Variants in SYTL5 observed in about 807,000 individuals in gnomAD.
The protein encoded by SYTL5 is synaptotagmin like 5.
Under a neutral mutation model 55.9 loss-of-function variants are expected in SYTL5, and 34 were observed. The observed-to-expected ratio is 0.61, with a 90% confidence interval of 0.46 to 0.81. The LOEUF (loss-of-function observed/expected upper bound fraction) is 0.81, where lower values mean the gene tolerates loss of function less well. Among genes scored for constraint, SYTL5 ranks in the 30% least tolerant of loss-of-function variants. The pLI is 0.00. For missense variants in SYTL5, 637 were observed against 546.7 expected, an observed-to-expected ratio of 1.17 and a Z score of -1.65; for synonymous variants, 221 against 188.7, an observed-to-expected ratio of 1.17 and a Z score of -1.40.
chrX:37,922,833 C>T, the SYTL5 span, among the ~76,000 whole-genome samples: 1 of 111,124 alleles, frequency 9.0e-6, no homozygotes, highest in Non-Finnish European at 1.9e-5. Flanking sequence ...TTCTCTTGTC[C>T]CCTCACTTAG....
At chrX:37,953,072 G>A in the SYTL5 span, among the ~76,000 whole-genome samples, 2 of 111,535 alleles carry the variant, frequency 1.8e-5, no homozygotes, top group South Asian at 3.8e-4. Flanking sequence ...TCACTCTGGA[G>A]CGAGTTGCCT....
chrX:37,960,799 TTTA>T, the SYTL5 span, among the ~76,000 whole-genome samples: 1 of 91,418 alleles, frequency 1.1e-5, no homozygotes, highest in African/African-American at 4.1e-5. Flanking sequence ...TATTTATTTA[TTTA>T]TTTATTTATT....
At chrX:37,996,515 C>T in the SYTL5 span, among the ~76,000 whole-genome samples, 1 of 112,481 alleles carries the variant, frequency 8.9e-6, no homozygotes, top group African/African-American at 3.2e-5. Context: ...GTGACTGTGG[C>T]TGCCAACCAG....
the SYTL5 span, among the ~76,000 whole-genome samples, chrX:37,913,696 C>T: frequency 2.9e-3 from 323 of 112,277 alleles, 1 homozygote; most frequent in African/African-American, 9.6e-3. Flanking sequence ...AATAGTCCCT[C>T]CTCCATCCTT....
chrX:38,083,767 T>A (rs1936595563), intron 6 of SYTL5, among the ~76,000 whole-genome samples: 1 of 75,601 alleles, frequency 1.3e-5, no homozygotes, highest in Non-Finnish European at 2.5e-5. Flanking sequence ...AGTTTTTAAA[T>A]AGACTCATGT....
the SYTL5 span, among the ~76,000 whole-genome samples, chrX:37,893,724 A>ATC: frequency 1.1e-5 from 1 of 92,020 alleles, no homozygotes; most frequent in Non-Finnish European, 2.1e-5. Flanking sequence ...ACTATAGATT[A>ATC]TATATAATCT....
the SYTL5 span, among the ~76,000 whole-genome samples, chrX:37,907,471 C>T: frequency 8.9e-6 from 1 of 112,132 alleles, no homozygotes; most frequent in African/African-American, 3.2e-5. Flanking sequence ...CTTCCAATGT[C>T]GTCCCCGGGG....
the SYTL5 span, among the ~76,000 whole-genome samples, chrX:37,982,964 A>G: frequency 9.0e-6 from 1 of 111,485 alleles, no homozygotes; most frequent in Non-Finnish European, 1.9e-5. Context: ...ATGTCTCTGT[A>G]TCTCAATGGA....
intron 16 of SYTL5, 49 bp downstream of exon 16, chrX:38,125,555 G>C (rs770797273): frequency 9.7e-7 from 1 of 1,032,049 alleles, no homozygotes; most frequent in Non-Finnish European, 1.4e-6. Flanking sequence ...AGGCCCAGGT[G>C]GGGGCGCTAT....
chrX:38,127,023 G>T lies in SYTL5; in HGVS notation c.*293G>T. 1 of 220,190 alleles carries T rather than the reference G, an allele frequency of 4.5e-6. No homozygotes were observed. The highest frequency in any genetic ancestry group is 2.4e-4 in the South Asian group (1 of 4,106). 18.1% of individuals were successfully genotyped at this position (220,190 alleles called of 1,213,427 possible). A position where few individuals can be genotyped will look rare whatever the true frequency, so the allele number is the denominator to read the frequency against. On this transcript the variant is annotated 3_prime_UTR_variant, in exon 17 of 17. Transcript: ENST00000297875. The stretch of plus-strand genomic sequence containing the variant: ...ATAGGGTTTATGCCATAAAAGAAAT[G>T]GCACAAGCCTCCATTTGCTAATTAT...
the SYTL5 span, among the ~76,000 whole-genome samples, chrX:37,930,345 A>G: frequency 8.0e-5 from 9 of 112,146 alleles, no homozygotes; most frequent in Non-Finnish European, 1.7e-4. Context: ...TGACCATACG[A>G]ATATGTTTTT....
At chrX:38,065,474 G>A (rs1488326142) in intron 3 of SYTL5, among the ~76,000 whole-genome samples, 1 of 111,906 alleles carries the variant, frequency 8.9e-6, no homozygotes, top group Non-Finnish European at 1.9e-5. Flanking sequence ...ATTCTAGATT[G>A]ATAGTATTTT....
chrX:38,008,009 A>T lies in SYTL5; in HGVS notation c.-357+1341A>T, dbSNP rs1003374841. Among the ~76,000 whole-genome samples the T allele has an allele frequency of 5.4e-5, 6 of 110,907 alleles. No homozygotes were observed. In the Admixed American group the frequency reaches 5.7e-4, roughly 11 times the overall value. On this transcript the variant is annotated intron_variant, in intron 1 of 16. Coordinates refer to ENST00000297875, the MANE Select transcript of SYTL5 (RefSeq NM_138780.3). ...TAGTGAATAAAATTATTGAGCTTCTACCTCTTTTCTTTTGGAGGCCCATTT... is the reference window on the plus strand; with the variant it reads ...TAGTGAATAAAATTATTGAGCTTCTTCCTCTTTTCTTTTGGAGGCCCATTT...
intron 5 of SYTL5, among the ~76,000 whole-genome samples, chrX:38,075,661 A>G (rs756789238): frequency 1.8e-4 from 20 of 111,667 alleles, no homozygotes; most frequent in Non-Finnish European, 3.8e-4. Flanking sequence ...AAAAAATGTA[A>G]TTTTCCAGTA....
At chrX:38,069,947 G>A (rs192958167) in intron 3 of SYTL5, among the ~76,000 whole-genome samples, 1 of 111,864 alleles carries the variant, frequency 8.9e-6, no homozygotes, top group Non-Finnish European at 1.9e-5. Context: ...AGATTTGACC[G>A]TATTCCATAA....
chrX:37,908,044 G>C, the SYTL5 span, among the ~76,000 whole-genome samples: 1 of 108,520 alleles, frequency 9.2e-6, no homozygotes, highest in Non-Finnish European at 1.9e-5. Flanking sequence ...TTGAGCCCAG[G>C]ATTTTAAAGC....
At chrX:38,107,288 T>C (rs1235119070) in intron 11 of SYTL5, among the ~76,000 whole-genome samples, 1 of 111,489 alleles carries the variant, frequency 9.0e-6, no homozygotes, top group Non-Finnish European at 1.9e-5. Flanking sequence ...TAGGAGGACT[T>C]AGGACTCTGC....
chrX:37,948,062 G>A, the SYTL5 span, among the ~76,000 whole-genome samples: 1 of 111,475 alleles, frequency 9.0e-6, no homozygotes, highest in Non-Finnish European at 1.9e-5. Context: ...TTCAGTATGA[G>A]AATATTTCTT....
the SYTL5 span, among the ~76,000 whole-genome samples, chrX:37,943,725 A>G: frequency 4.3e-3 from 476 of 111,663 alleles, 6 homozygotes; most frequent in African/African-American, 0.015. Context: ...TTTGTTACTT[A>G]GAAGTCAGAT....
Sources: allele counts gnomAD v4.1 joint callset (sites outside exome capture counted in the v4.1 genomes callset), GRCh38; gene constraint gnomAD v4.1.1; transcripts MANE v1.5; gene names NCBI Gene and HGNC (gene_info 2026-07-23, HGNC 2026-07-21).